MAF: variants seen among roughly 807,000 people sequenced by gnomAD.
MAF encodes the protein transcription factor Maf.
A neutral mutation model predicts 22.0 loss-of-function variants in MAF; 10 were observed. The ratio of observed to expected loss-of-function variants is 0.45; its 90% CI spans 0.28 to 0.77. The LOEUF (loss-of-function observed/expected upper bound fraction) is 0.77, where lower values mean the gene tolerates loss of function less well. MAF is among the 30% of genes least tolerant of loss of function. MAF has a pLI of 0.12. For synonymous variants in MAF, 337 were observed against 255.8 expected, an observed-to-expected ratio of 1.32 and a Z score of -3.03; for missense variants, 544 against 548.4, an observed-to-expected ratio of 0.99 and a Z score of 0.08.
At chr16:79,275,820 G>A in the MAF span, among the ~76,000 whole-genome samples, 5 of 152,134 alleles carry the variant, frequency 3.3e-5, no homozygotes, top group African/African-American at 1.2e-4. Context: ...AAGTTCATTG[G>A]AAACCATGTA....
At chr16:79,486,054 A>G in the MAF span, among the ~76,000 whole-genome samples, 3 of 152,174 alleles carry the variant, frequency 2.0e-5, no homozygotes, top group Non-Finnish European at 2.9e-5. Context: ...GAGAAAATAA[A>G]AGGTCAAAAG....
At chr16:79,218,586 G>C in the MAF span, among the ~76,000 whole-genome samples, 1 of 152,108 alleles carries the variant, frequency 6.6e-6, no homozygotes, top group Non-Finnish European at 1.5e-5. Flanking sequence ...TATCAACACA[G>C]GGTGTTCCCA....
At chr16:79,244,780 T>G in the MAF span, among the ~76,000 whole-genome samples, 19,100 of 151,790 alleles carry the variant, frequency 0.13, 1,592 homozygotes, top group Middle Eastern at 0.21. Flanking sequence ...AGCAAAAAGA[T>G]CAAAGCTGGA....
At chr16:79,271,421 G>GT in the MAF span, among the ~76,000 whole-genome samples, 1 of 152,178 alleles carries the variant, frequency 6.6e-6, no homozygotes, top group African/African-American at 2.4e-5. Flanking sequence ...CAAATGCCCG[G>GT]TAACCTTAGG....
At chr16:79,207,991 C>G in the MAF span, among the ~76,000 whole-genome samples, 5 of 152,258 alleles carry the variant, frequency 3.3e-5, no homozygotes, top group African/African-American at 1.2e-4. Flanking sequence ...ATCTGAGGGC[C>G]TCAACTATAA....
At chr16:79,472,759 G>A in the MAF span, among the ~76,000 whole-genome samples, 1 of 151,890 alleles carries the variant, frequency 6.6e-6, no homozygotes, top group Non-Finnish European at 1.5e-5. Flanking sequence ...TTAAATTGGT[G>A]AATTTTATAG....
At chr16:79,246,540 T>TTTG in the MAF span, among the ~76,000 whole-genome samples, 4 of 101,368 alleles carry the variant, frequency 3.9e-5, no homozygotes, top group African/African-American at 1.4e-4. Flanking sequence ...AGGTTTTTTT[T>TTTG]GGGGGGGGTG....
chr16:79,273,940 C>T, the MAF span, among the ~76,000 whole-genome samples: 3 of 137,770 alleles, frequency 2.2e-5, no homozygotes, highest in Non-Finnish European at 3.0e-5. Context: ...CTAGGTACTT[C>T]GTGTCTGCCT....
At chr16:79,253,064 C>T in the MAF span, among the ~76,000 whole-genome samples, 1 of 152,178 alleles carries the variant, frequency 6.6e-6, no homozygotes. Flanking sequence ...AGTAAAACAC[C>T]TCAGCACATG....
the MAF span, among the ~76,000 whole-genome samples, chr16:79,259,875 G>T: frequency 1.3e-5 from 2 of 152,102 alleles, no homozygotes; most frequent in African/African-American, 4.8e-5. Context: ...GGGGAGTTAG[G>T]GATGATAATG....
the MAF span, among the ~76,000 whole-genome samples, chr16:79,529,374 C>G: frequency 6.6e-6 from 1 of 152,104 alleles, no homozygotes; most frequent in African/African-American, 2.4e-5. Context: ...TATTAATAAA[C>G]AAGCAAACAA....
chr16:79,212,007 G>C, the MAF span: 3 of 1,536,146 alleles, frequency 2.0e-6, no homozygotes, highest in Non-Finnish European at 2.6e-6. Context: ...GGCTGGGCTA[G>C]GCATAGGTCT....
At chr16:79,492,828 C>A in the MAF span, among the ~76,000 whole-genome samples, 1 of 152,176 alleles carries the variant, frequency 6.6e-6, no homozygotes, top group African/African-American at 2.4e-5. Context: ...CAATATTATT[C>A]TTTGGTGTTA....
At chr16:79,440,216 G>A in the MAF span, among the ~76,000 whole-genome samples, 1 of 152,190 alleles carries the variant, frequency 6.6e-6, no homozygotes, top group Non-Finnish European at 1.5e-5. Flanking sequence ...GGGGGCTCTT[G>A]CTGCCCTGGC....
At chr16:79,404,831 A>G in the MAF span, among the ~76,000 whole-genome samples, 3 of 152,060 alleles carry the variant, frequency 2.0e-5, no homozygotes, top group Admixed American at 6.6e-5. Flanking sequence ...ATGAAGCAGC[A>G]AGTCCCCAAA....
the MAF span, among the ~76,000 whole-genome samples, chr16:79,308,712 T>C: frequency 6.6e-6 from 1 of 152,172 alleles, no homozygotes; most frequent in Non-Finnish European, 1.5e-5. Context: ...CATAATGCTA[T>C]GAGTTTTAAG....
At chr16:79,245,981 C>G in the MAF span, among the ~76,000 whole-genome samples, 1 of 152,006 alleles carries the variant, frequency 6.6e-6, no homozygotes. Context: ...ACCGCATGTT[C>G]TGACTCAAAA....
chr16:79,274,996 T>C, the MAF span, among the ~76,000 whole-genome samples: 1 of 152,184 alleles, frequency 6.6e-6, no homozygotes, highest in Non-Finnish European at 1.5e-5. Context: ...TTAACTGAGA[T>C]ATGCATATGT....
At chr16:79,317,779 C>G in the MAF span, among the ~76,000 whole-genome samples, 1 of 152,186 alleles carries the variant, frequency 6.6e-6, no homozygotes, top group African/African-American at 2.4e-5. Flanking sequence ...TGATGCTAGC[C>G]CACTGGACAC....
Sources: allele counts gnomAD v4.1 joint callset (sites outside exome capture counted in the v4.1 genomes callset), GRCh38; gene constraint gnomAD v4.1.1; transcripts MANE v1.5; gene names NCBI Gene and HGNC (gene_info 2026-07-23, HGNC 2026-07-21).